Variants in AKR1E2 observed in about 807,000 individuals in gnomAD.
AKR1E2 encodes the protein 1,5-anhydro-D-fructose reductase.
In AKR1E2, 43 loss-of-function variants were observed where a neutral mutation model predicts 41.9. The ratio of observed to expected loss-of-function variants is 1.03; its 90% CI spans 0.80 to 1.32. AKR1E2 has a LOEUF of 1.32. AKR1E2 is among the 40% of genes most tolerant of loss of function. The probability of loss-of-function intolerance (pLI) is 0.00; values close to 1 mark genes in which losing one functional copy is unlikely to be tolerated. For synonymous variants in AKR1E2, 121 were observed against 138.9 expected (o/e 0.87, Z 0.91); for missense variants, 423 against 396.5 (o/e 1.07, Z -0.57).
chr10:4,853,706 C>T, the AKR1E2 span, among the ~76,000 whole-genome samples: 1 of 144,830 alleles, frequency 6.9e-6, no homozygotes, highest in Non-Finnish European at 1.6e-5. Flanking sequence ...AGAGCAACTC[C>T]ACCTTGAATA....
At chr10:4,826,119 A>G (rs1446146882), upstream of AKR1E2, 1 of 409,270 alleles carries the variant, frequency 2.4e-6, no homozygotes, top group African/African-American at 2.1e-5. Context: ...CCTTAATACA[A>G]CCAGCCAGTC....
chr10:4,871,108 G>C, the AKR1E2 span, among the ~76,000 whole-genome samples: 1 of 151,702 alleles, frequency 6.6e-6, no homozygotes, highest in African/African-American at 2.4e-5. Flanking sequence ...TTTGTGTATT[G>C]TGTTTTTCAG....
intron 9 of AKR1E2, 94 bp from the exon 10 acceptor site, chr10:4,847,394 C>T (rs1025824484): frequency 1.1e-4 from 167 of 1,529,972 alleles, no homozygotes; most frequent in Non-Finnish European, 1.4e-4. Context: ...ATTTCATGCA[C>T]TGGGGAGTTT....
Position 4,847,719 on chromosome 10 carries a change from T to C in AKR1E2, c.*189T>C. ...TTGAGTGTGTTCTAAGTGAAGGCAA[T>C]GGGGTTTCTCCAAGACAGCCTGTGT... On this transcript the variant is annotated 3_prime_UTR_variant, in exon 10 of 10. Transcript: ENST00000298375. 3.1e-6 allele frequency: 2 copies of C among 641,948 alleles called. No homozygotes were observed. The highest frequency in any genetic ancestry group is 4.0e-5 in the South Asian group (2 of 49,572). The allele number at this position is 641,948 out of a possible 1,614,324, so 39.8% of individuals were successfully genotyped here.
At chr10:4,838,035 T>G (rs1008565315) in intron 5 of AKR1E2, among the ~76,000 whole-genome samples, 2 of 152,234 alleles carry the variant, frequency 1.3e-5, no homozygotes, top group Non-Finnish European at 2.9e-5. Context: ...AAAAGACTTG[T>G]GGGGAAATAA....
chr10:4,849,065 C>G (rs1364900753), downstream of AKR1E2, among the ~76,000 whole-genome samples: 1 of 152,204 alleles, frequency 6.6e-6, no homozygotes, highest in Non-Finnish European at 1.5e-5. Flanking sequence ...CAAGAGAGGA[C>G]TTTGCTGCGG....
the AKR1E2 span, among the ~76,000 whole-genome samples, chr10:4,861,049 G>T: frequency 6.6e-6 from 1 of 152,084 alleles, no homozygotes; most frequent in African/African-American, 2.4e-5. Context: ...CCTCTGATAT[G>T]CTCTTGGTAT....
the AKR1E2 span, among the ~76,000 whole-genome samples, chr10:4,862,895 A>G: frequency 1.1e-5 from 1 of 88,892 alleles, no homozygotes; most frequent in Non-Finnish European, 2.5e-5. Context: ...AAAGGGATCA[A>G]TTCAACAAGA....
downstream of AKR1E2, among the ~76,000 whole-genome samples, chr10:4,851,323 A>G (rs765985580): frequency 2.6e-5 from 4 of 152,202 alleles, no homozygotes; most frequent in Non-Finnish European, 5.9e-5. Flanking sequence ...GACATCCACC[A>G]TACTGTGGTC....
the AKR1E2 span, among the ~76,000 whole-genome samples, chr10:4,867,078 G>T: frequency 1.3e-5 from 2 of 152,116 alleles, no homozygotes; most frequent in Non-Finnish European, 2.9e-5. Flanking sequence ...GGTCTGCTGT[G>T]GGAAAGGGCT....
intron 8 of AKR1E2, 108 bp from the exon 9 acceptor site, chr10:4,847,040 A>G: frequency 7.5e-6 from 9 of 1,204,988 alleles, no homozygotes; most frequent in Non-Finnish European, 1.1e-5. Flanking sequence ...TGTTTGTTTT[A>G]CATCTTTGTG....
chr10:4,828,170 C>T (rs1677873793), intron 1 of AKR1E2, among the ~76,000 whole-genome samples: 4 of 152,184 alleles, frequency 2.6e-5, no homozygotes, highest in Admixed American at 2.0e-4. Flanking sequence ...GTATTCCTCC[C>T]ACACGGGAGG....
chr10:4,837,397 G>A, intron 4 of AKR1E2, 62 bp from the exon 5 acceptor site: 1 of 1,588,734 alleles, frequency 6.3e-7, no homozygotes, highest in South Asian at 1.1e-5. Context: ...AACTGCTGAG[G>A]GACGTAGATT....
chr10:4,851,684 A>G (rs1834529587), downstream of AKR1E2, among the ~76,000 whole-genome samples: 1 of 152,216 alleles, frequency 6.6e-6, no homozygotes, highest in South Asian at 2.1e-4. Flanking sequence ...GGTAGGATTT[A>G]CCATTATTTC....
In AKR1E2 at chr10:4,826,377, G is replaced by C; in HGVS notation, c.39+14G>C. ...AGCTCCTGGAAGGTGACGCGGTCGC[G>C]GGCAGGGAGGCGCGCCTGACCTAGG... On this transcript the variant is annotated intron_variant, in intron 1 of 9. Coordinates refer to ENST00000298375, the MANE Select transcript of AKR1E2 (RefSeq NM_001040177.3). 2.4e-6 allele frequency: 3 copies of C among 1,233,638 alleles called. No individual in the cohort carries two copies. The highest frequency in any genetic ancestry group is 3.0e-6 in the Non-Finnish European group (3 of 987,196). 76.4% of individuals were successfully genotyped at this position (1,233,638 alleles called of 1,614,324 possible).
chr10:4,866,900 G>C, the AKR1E2 span, among the ~76,000 whole-genome samples: 2 of 151,812 alleles, frequency 1.3e-5, no homozygotes, highest in Non-Finnish European at 1.5e-5. Flanking sequence ...GAGTGGGGCC[G>C]GCTGATCCAT....
At chr10:4,830,642 G>A (rs764731133) in intron 1 of AKR1E2, 33 bp from the exon 2 acceptor site, 1 of 1,610,852 alleles carries the variant, frequency 6.2e-7, no homozygotes, top group African/African-American at 1.3e-5. Flanking sequence ...TCCTCTGACT[G>A]TGAGAAGACA....
chr10:4,844,884 AG>A (rs1297556618), intron 8 of AKR1E2, among the ~76,000 whole-genome samples: 1 of 152,210 alleles, frequency 6.6e-6, no homozygotes, highest in Non-Finnish European at 1.5e-5. Context: ...CCGCAGGTGA[AG>A]GCGCCTGCCA....
At position 4,837,273 on chromosome 10, in the gene AKR1E2, T is replaced by C. The variant is rs2961584; in HGVS notation, c.460-186T>C. Among the ~76,000 whole-genome samples, 135,239 of 152,260 alleles carry C rather than the reference T, an allele frequency of 0.89. 61,092 individuals are homozygous for C. The highest frequency in any genetic ancestry group is 0.98 in the East Asian group (5,086 of 5,178). ...AGGCCATGCAACTTGCCCAGCATCCTCTAGCCAGAAAAGATGGGACTGAAA... is the reference window on the plus strand; with the variant it reads ...AGGCCATGCAACTTGCCCAGCATCCCCTAGCCAGAAAAGATGGGACTGAAA... On this transcript the variant is annotated intron_variant, in intron 4 of 9. Transcript: ENST00000298375.
Sources: allele counts gnomAD v4.1 joint callset (sites outside exome capture counted in the v4.1 genomes callset), GRCh38; gene constraint gnomAD v4.1.1; transcripts MANE v1.5; gene names NCBI Gene and HGNC (gene_info 2026-07-23, HGNC 2026-07-21).